GLYR1: variants seen among roughly 807,000 people sequenced by gnomAD.
The protein encoded by GLYR1 is cytokine-like nuclear factor N-PAC.
In GLYR1, 21 loss-of-function variants were observed where a neutral mutation model predicts 72.7. The observed-to-expected ratio is 0.29, with a 90% CI of 0.20 to 0.42. GLYR1 has a LOEUF of 0.42. Among genes scored for constraint, GLYR1 ranks in the 10% least tolerant of loss-of-function variants. GLYR1 has a pLI of 1.00. For synonymous variants in GLYR1, 392 were observed against 270.2 expected, an observed-to-expected ratio of 1.45 and a Z score of -4.42; for missense variants, 594 against 712.1, an observed-to-expected ratio of 0.83 and a Z score of 1.89.
intron 10 of GLYR1, among the ~76,000 whole-genome samples, chr16:4,817,170 A>C (rs578183583): frequency 6.6e-5 from 10 of 150,598 alleles, no homozygotes; most frequent in Admixed American, 2.0e-4. Context: ...CCCAGGCTGG[A>C]GTGCAGTGGC....
At chr16:4,809,253 G>C (rs999575187) in intron 15 of GLYR1, among the ~76,000 whole-genome samples, 5 of 144,042 alleles carry the variant, frequency 3.5e-5, no homozygotes, top group South Asian at 2.2e-4. Context: ...GCAGTGGTGC[G>C]ATCTAGGCTC....
In GLYR1 at chr16:4,805,170, C is replaced by T. The variant is rs576538268; in HGVS notation, c.*66G>A. 1.3e-4 allele frequency: 185 copies of T among 1,372,852 alleles called. 3 individuals carry two copies. The East Asian group carries it at 2.0e-3, about 15-fold the overall frequency. The allele number at this position is 1,372,852 out of a possible 1,614,324, so 85.0% of individuals were successfully genotyped here. A position where few individuals can be genotyped will look rare whatever the true frequency, so the allele number is the denominator to read the frequency against. ...GGTCCAGAATGAACTCCCAGGCCCC[C>T]GACCCCATGTGAGGAAGAGGGGGTC... On this transcript the variant is annotated 3_prime_UTR_variant, in exon 16 of 16. Coordinates refer to ENST00000321919, the MANE Select transcript of GLYR1 (RefSeq NM_032569.4).
chr16:4,846,461 G>C (rs979925626), intron 1 of GLYR1, among the ~76,000 whole-genome samples: 4 of 152,220 alleles, frequency 2.6e-5, no homozygotes, highest in Admixed American at 1.3e-4. Context: ...CACTTGTCTA[G>C]AGCTTCTTAA....
In GLYR1 at chr16:4,827,588, A is replaced by AAAAC. The variant is rs954307885; in HGVS notation, c.538-3685_538-3682dup. 1.0e-4 allele frequency among the ~76,000 whole-genome samples: 14 copies of AAAAC among 135,738 alleles called. No individual in the cohort carries two copies. The South Asian group carries it at 1.5e-3, about 15-fold the overall frequency. The allele number at this position is 135,738 out of a possible 152,430, so 89.0% of individuals were successfully genotyped here. A position where few individuals can be genotyped will look rare whatever the true frequency, so the allele number is the denominator to read the frequency against. On this transcript the variant is annotated intron_variant, in intron 5 of 15. Coordinates refer to ENST00000321919, the MANE Select transcript of GLYR1 (RefSeq NM_032569.4). ...GTGCTTTGTAGGTGTTGCACTTAAA[A>AAAAC]AAACAAACAAACAAACAAACAAAAA...
intron 12 of GLYR1, among the ~76,000 whole-genome samples, chr16:4,812,607 C>A (rs1465902988): frequency 6.7e-6 from 1 of 148,906 alleles, no homozygotes. Context: ...ATTCTCCTGC[C>A]TCAGCCTCCC....
Position 4,811,875 on chromosome 16 carries a change from C to T in GLYR1, c.1283-73G>A, listed in dbSNP as rs965143931. 3.3e-6 allele frequency: 5 copies of T among 1,514,404 alleles called. No homozygotes were observed. In the African/African-American group the frequency reaches 6.9e-5, roughly 21 times the overall value. The allele number at this position is 1,514,404 out of a possible 1,614,324, so 93.8% of individuals were successfully genotyped here. A position where few individuals can be genotyped will look rare whatever the true frequency, so the allele number is the denominator to read the frequency against. ...AGGGCTTCTCTGTCCACCCTCACCT[C>T]TGCTCAGACCCACCTCTCTCCAGGG... On this transcript the variant is annotated intron_variant, in intron 13 of 15. Transcript: ENST00000321919.
chr16:4,832,736 G>C, intron 4 of GLYR1, 38 bp downstream of exon 4: 1 of 1,573,754 alleles, frequency 6.4e-7, no homozygotes, highest in Non-Finnish European at 8.6e-7. Context: ...AAAATCACCA[G>C]TCTGGCATTG....
intron 3 of GLYR1, among the ~76,000 whole-genome samples, chr16:4,835,338 G>A (rs2085062640): frequency 6.6e-6 from 1 of 152,154 alleles, no homozygotes; most frequent in Admixed American, 6.5e-5. Context: ...CTGCTAGAAG[G>A]AACTGTACAG....
intron 15 of GLYR1, among the ~76,000 whole-genome samples, chr16:4,807,443 A>G (rs1230861272): frequency 6.6e-6 from 1 of 152,144 alleles, no homozygotes; most frequent in African/African-American, 2.4e-5. Flanking sequence ...AAAGTAAGAA[A>G]GGAGGAACAA....
chr16:4,847,113 CCT>C lies in GLYR1; in HGVS notation c.38+113_38+114del, dbSNP rs1379657254. 1.6e-5 allele frequency: 16 copies of C among 1,000,180 alleles called. No individual in the cohort carries two copies. In the East Asian group the frequency reaches 3.5e-4, roughly 22 times the overall value. The allele number at this position is 1,000,180 out of a possible 1,614,324, so 62.0% of individuals were successfully genotyped here. ...CGCAAGCGCCGGCACCTTCTCTTCC[CCT>C]CTCTCCGCGACCTGGAGCGCATAAA... On this transcript the variant is annotated intron_variant, in intron 1 of 15. Coordinates refer to ENST00000321919, the MANE Select transcript of GLYR1 (RefSeq NM_032569.4).
intron 3 of GLYR1, among the ~76,000 whole-genome samples, chr16:4,838,946 C>T (rs186224350): frequency 1.3e-5 from 2 of 152,228 alleles, no homozygotes; most frequent in East Asian, 3.9e-4. Flanking sequence ...GAATACAGTG[C>T]CTCAATCACA....
intron 3 of GLYR1, among the ~76,000 whole-genome samples, chr16:4,835,416 C>T (rs944778107): frequency 2.0e-5 from 3 of 152,210 alleles, no homozygotes; most frequent in African/African-American, 4.8e-5. Context: ...ATCTTCGAAA[C>T]ATTAAAATGG....
intron 5 of GLYR1, 126 bp from the exon 6 acceptor site, chr16:4,824,033 G>C (rs1476798952): frequency 1.9e-5 from 12 of 648,066 alleles, no homozygotes; most frequent in Non-Finnish European, 3.2e-5. Context: ...CCGTCCCTCG[G>C]GAGAAACAAG....
chr16:4,840,821 T>C (rs2085496667), intron 3 of GLYR1, among the ~76,000 whole-genome samples: 1 of 152,190 alleles, frequency 6.6e-6, no homozygotes, highest in Non-Finnish European at 1.5e-5. Context: ...CCAGAGCTCT[T>C]TCCCCAAAGT....
chr16:4,816,725 C>T (rs1437392485), intron 10 of GLYR1, among the ~76,000 whole-genome samples: 1 of 152,072 alleles, frequency 6.6e-6, no homozygotes, highest in Non-Finnish European at 1.5e-5. Context: ...GTGGCTCACA[C>T]CCGTAATCCC....
In GLYR1 at chr16:4,821,685, T is replaced by C. The variant is rs1023566741; in HGVS notation, c.682-88A>G. 7 of 1,253,380 alleles carry C rather than the reference T, an allele frequency of 5.6e-6. No homozygotes were observed. In the Admixed American group the frequency reaches 1.2e-4, roughly 21 times the overall value. 77.6% of individuals were successfully genotyped at this position (1,253,380 alleles called of 1,614,324 possible). On this transcript the variant is annotated intron_variant, in intron 7 of 15. Transcript: ENST00000321919. ...ATCCCCTCAAAGGTTAGACCCAAAG[T>C]GGGAAGTTAACATCAACTATTTGTT...
At chr16:4,827,584 T>TA (rs745882052) in intron 5 of GLYR1, among the ~76,000 whole-genome samples, 21,713 of 150,014 alleles carry the variant, frequency 0.14, 1,789 homozygotes, top group East Asian at 0.26. Context: ...GTGTTGCACT[T>TA]AAAAAAACAA....
At chr16:4,822,747 C>T (rs916969660) in intron 7 of GLYR1, 128 bp downstream of exon 7, 109 of 769,798 alleles carry the variant, frequency 1.4e-4, no homozygotes, top group Non-Finnish European at 2.1e-4. Context: ...ATGGGGGCTT[C>T]TGGGCTAGTT....
At chr16:4,839,031 T>A (rs1304317456) in intron 3 of GLYR1, among the ~76,000 whole-genome samples, 3 of 152,108 alleles carry the variant, frequency 2.0e-5, no homozygotes, top group Admixed American at 6.6e-5. Context: ...AGACTACAGG[T>A]ACATGCTACT....
Sources: gnomAD v4.1 joint callset for allele counts (sites outside exome capture counted in the v4.1 genomes callset) on GRCh38, gnomAD v4.1.1 for gene constraint, MANE v1.5 for transcripts, NCBI Gene and HGNC (gene_info 2026-07-23, HGNC 2026-07-21) for gene names.